PKNOX2: variants seen among roughly 807,000 people sequenced by gnomAD.
PKNOX2 encodes homeobox protein PKNOX2.
Under a neutral mutation model 53.1 loss-of-function variants are expected in PKNOX2, and 14 were observed. The ratio of observed to expected loss-of-function variants is 0.26; its 90% CI spans 0.17 to 0.41. PKNOX2 has a LOEUF of 0.41. PKNOX2 is among the 10% of genes least tolerant of loss of function. The pLI, the probability that PKNOX2 is intolerant of heterozygous loss-of-function variation, is 1.00. For missense variants in PKNOX2, 496 were observed against 602.8 expected, an observed-to-expected ratio of 0.82 and a Z score of 1.85; for synonymous variants, 257 against 242.8, an observed-to-expected ratio of 1.06 and a Z score of -0.54.
intron 2 of PKNOX2, among the ~76,000 whole-genome samples, chr11:125,251,682 T>C (rs1944010424): frequency 6.6e-6 from 1 of 151,818 alleles, no homozygotes; most frequent in African/African-American, 2.4e-5. Context: ...GCCTTTCTGC[T>C]GGTTCCCAAC....
intron 2 of PKNOX2, among the ~76,000 whole-genome samples, chr11:125,280,823 G>T (rs1039959552): frequency 2.1e-4 from 32 of 152,208 alleles, no homozygotes; most frequent in Non-Finnish European, 4.4e-4. Flanking sequence ...GGCTCTGGTT[G>T]TCACGATGCC....
chr11:125,319,785 G>A (rs1177144418), intron 2 of PKNOX2, among the ~76,000 whole-genome samples: 2 of 152,248 alleles, frequency 1.3e-5, no homozygotes, highest in Middle Eastern at 3.2e-3. Context: ...GCAGGAGAAA[G>A]AGCACCTTCC....
At chr11:125,374,916 C>T (rs905085966) in intron 5 of PKNOX2, among the ~76,000 whole-genome samples, 2 of 140,090 alleles carry the variant, frequency 1.4e-5, no homozygotes, top group Non-Finnish European at 3.1e-5. Flanking sequence ...AATTGGGCCT[C>T]CTGCTAGTGC....
chr11:125,218,921 T>C (rs1940841521), intron 1 of PKNOX2, among the ~76,000 whole-genome samples: 1 of 152,194 alleles, frequency 6.6e-6, no homozygotes, highest in Non-Finnish European at 1.5e-5. Context: ...TTCTCTGTCA[T>C]CCTCTGGATC....
In PKNOX2 at chr11:125,399,907, A is replaced by G. The variant is rs1439750474; in HGVS notation, c.588+1845A>G. On this transcript the variant is annotated intron_variant, in intron 7 of 12. Transcript: ENST00000298282. Reference sequence around the variant, plus strand: ...TCTGCAGAAACCAGTCGGTCACTGGAGAAGTGGGGTTTGCAGAAAAGGATA... The same window carrying G: ...TCTGCAGAAACCAGTCGGTCACTGGGGAAGTGGGGTTTGCAGAAAAGGATA... Among the ~76,000 whole-genome samples, 4 of 152,324 alleles carry G rather than the reference A, an allele frequency of 2.6e-5. No homozygotes were observed. The East Asian group carries it at 5.8e-4, about 22-fold the overall frequency.
At chr11:125,293,751 TCACACACACC>T (rs1202159057) in intron 2 of PKNOX2, among the ~76,000 whole-genome samples, 3 of 151,258 alleles carry the variant, frequency 2.0e-5, no homozygotes, top group Non-Finnish European at 3.0e-5. Flanking sequence ...TCACACACAC[TCACACACACC>T]CACACTCACA....
intron 7 of PKNOX2, among the ~76,000 whole-genome samples, chr11:125,402,508 C>T (rs1954810771): frequency 6.6e-6 from 1 of 152,172 alleles, no homozygotes; most frequent in Non-Finnish European, 1.5e-5. Flanking sequence ...TCATGGTTCT[C>T]ATTCAATTGC....
At chr11:125,424,391 A>G (rs1363936194) in intron 10 of PKNOX2, among the ~76,000 whole-genome samples, 3 of 152,056 alleles carry the variant, frequency 2.0e-5, no homozygotes, top group Non-Finnish European at 4.4e-5. Context: ...AATTGGGTAC[A>G]TCCCACCATC....
chr11:125,266,006 C>T (rs1235361740), intron 2 of PKNOX2, among the ~76,000 whole-genome samples: 1 of 152,136 alleles, frequency 6.6e-6, no homozygotes, highest in Non-Finnish European at 1.5e-5. Flanking sequence ...AAACCTGGGC[C>T]CCCAGCTCCA....
chr11:125,414,823 G>A (rs750048967), intron 10 of PKNOX2, among the ~76,000 whole-genome samples: 1 of 152,000 alleles, frequency 6.6e-6, no homozygotes, highest in Non-Finnish European at 1.5e-5. Context: ...AAAGAGCCAG[G>A]CCTAGCACAT....
intron 1 of PKNOX2, among the ~76,000 whole-genome samples, chr11:125,225,794 C>T (rs1441563688): frequency 6.6e-6 from 1 of 152,228 alleles, no homozygotes; most frequent in Non-Finnish European, 1.5e-5. Flanking sequence ...AAGTTGGATG[C>T]AAAATGAGGT....
chr11:125,415,649 C>G (rs1272665660), intron 10 of PKNOX2, among the ~76,000 whole-genome samples: 1 of 152,140 alleles, frequency 6.6e-6, no homozygotes, highest in Non-Finnish European at 1.5e-5. Flanking sequence ...AGGAACAACT[C>G]TGAGACTGTA....
chr11:125,411,904 G>A (rs1294294509), intron 10 of PKNOX2, 39 bp downstream of exon 10: 3 of 1,612,916 alleles, frequency 1.9e-6, no homozygotes, highest in Non-Finnish European at 2.5e-6. Flanking sequence ...GTCCCGGCAT[G>A]GGGTATGAAT....
At chr11:125,313,342 C>T (rs1287243373) in intron 2 of PKNOX2, among the ~76,000 whole-genome samples, 1 of 152,156 alleles carries the variant, frequency 6.6e-6, no homozygotes, top group African/African-American at 2.4e-5. Flanking sequence ...ATCCAGGTGA[C>T]ATCCTACCTC....
intron 7 of PKNOX2, 134 bp downstream of exon 7, chr11:125,398,196 C>T: frequency 1.3e-6 from 1 of 781,568 alleles, no homozygotes; most frequent in Non-Finnish European, 2.0e-6. Context: ...GAGGGCCCTC[C>T]TCTGATGCAC....
chr11:125,293,315 G>C (rs1412387475), intron 2 of PKNOX2, among the ~76,000 whole-genome samples: 1 of 152,162 alleles, frequency 6.6e-6, no homozygotes, highest in Non-Finnish European at 1.5e-5. Context: ...GTAAACCCAT[G>C]TATGTGGGCA....
chr11:125,411,998 G>A, intron 10 of PKNOX2, 133 bp downstream of exon 10: 1 of 1,426,366 alleles, frequency 7.0e-7, no homozygotes, highest in Non-Finnish European at 9.6e-7. Flanking sequence ...CTCTCTGATA[G>A]GAATGACATC....
chr11:125,389,565 A>T (rs1953899537), intron 6 of PKNOX2, among the ~76,000 whole-genome samples: 1 of 152,156 alleles, frequency 6.6e-6, no homozygotes, highest in Non-Finnish European at 1.5e-5. Flanking sequence ...CACCAGGACG[A>T]TTCCTAAGCT....
At chr11:125,253,651 G>C (rs1944177910) in intron 2 of PKNOX2, among the ~76,000 whole-genome samples, 1 of 152,082 alleles carries the variant, frequency 6.6e-6, no homozygotes, top group African/African-American at 2.4e-5. Flanking sequence ...TTCTACCTTG[G>C]GTTTTCCCAA....
Sources: gnomAD v4.1 joint callset for allele counts (sites outside exome capture counted in the v4.1 genomes callset) on GRCh38, gnomAD v4.1.1 for gene constraint, MANE v1.5 for transcripts, NCBI Gene and HGNC (gene_info 2026-07-23, HGNC 2026-07-21) for gene names.